CDC14A: variants seen among roughly 807,000 people sequenced by gnomAD.
CDC14A encodes the protein cell division cycle 14A.
CDC14A carries 53 observed loss-of-function variants against 74.4 expected under a neutral mutation model. The ratio of observed to expected loss-of-function variants is 0.71; its 90% CI spans 0.57 to 0.89. CDC14A has a LOEUF of 0.89. Ranked by LOEUF, CDC14A falls within the 40% of genes least tolerant of loss-of-function variation. CDC14A has a pLI of 0.00. For synonymous variants in CDC14A, 247 were observed against 258.4 expected, an observed-to-expected ratio of 0.96 and a Z score of 0.43; for missense variants, 646 against 713.7, an observed-to-expected ratio of 0.91 and a Z score of 1.08.
At chr1:100,356,936 A>G (rs1440542120) in intron 2 of CDC14A, among the ~76,000 whole-genome samples, 1 of 151,882 alleles carries the variant, frequency 6.6e-6, no homozygotes, top group Non-Finnish European at 1.5e-5. Context: ...TGGTGATGGA[A>G]AGAAGCGATC....
chr1:100,506,943 AG>A (rs1557838470), intron 15 of CDC14A, among the ~76,000 whole-genome samples: 1 of 152,252 alleles, frequency 6.6e-6, no homozygotes, highest in Non-Finnish European at 1.5e-5. Context: ...TAGGAGGCTA[AG>A]GCGAGAGGAT....
At chr1:100,350,140 G>A (rs1272090327), upstream of CDC14A, among the ~76,000 whole-genome samples, 2 of 152,108 alleles carry the variant, frequency 1.3e-5, no homozygotes, top group African/African-American at 4.8e-5. Context: ...TATTAGTAGA[G>A]TTGGGGGTTT....
chr1:100,408,164 A>G (rs1458262443), intron 4 of CDC14A, among the ~76,000 whole-genome samples: 1 of 152,106 alleles, frequency 6.6e-6, no homozygotes, highest in Non-Finnish European at 1.5e-5. Context: ...GAGAATATGC[A>G]GTATTTGGTT....
In CDC14A at chr1:100,353,770, T is replaced by C; in HGVS notation, c.58T>C (p.Tyr20His). 1 of 1,575,980 alleles carries C rather than the reference T, an allele frequency of 6.3e-7. No homozygotes were observed. Among genetic ancestry groups the C allele is most frequent in the Non-Finnish European group, 8.7e-7 (1 of 1,148,034 alleles). Residue 20 changes from tyrosine (Y) to histidine (H), a missense_variant, in exon 2 of 16, where the codon TAT (tyrosine) becomes CAT (histidine). Tyr to His is a moderately conservative substitution (Grantham distance 83). Transcript: ENST00000336454. ...GACEFMKDRL[Y>H]FATLRNRPKS... ...TTAAACTTGTCTTTCAGATCGGTTATATTTTGCTACTTTAAGGAATAGACC... is the reference window on the plus strand; with the variant it reads ...TTAAACTTGTCTTTCAGATCGGTTACATTTTGCTACTTTAAGGAATAGACC...
chr1:100,400,262 A>C (rs1659087151), intron 4 of CDC14A, among the ~76,000 whole-genome samples: 1 of 152,240 alleles, frequency 6.6e-6, no homozygotes, highest in African/African-American at 2.4e-5. Context: ...TTTGACTCAC[A>C]ATTCTGTAAA....
At chr1:100,474,945 T>G (rs1275951759) in intron 10 of CDC14A, among the ~76,000 whole-genome samples, 1 of 152,184 alleles carries the variant, frequency 6.6e-6, no homozygotes, top group Non-Finnish European at 1.5e-5. Flanking sequence ...TTTAGGTTTA[T>G]GTCTTGTCAA....
At chr1:100,457,470 T>A (rs1377897370) in intron 8 of CDC14A, among the ~76,000 whole-genome samples, 2 of 152,126 alleles carry the variant, frequency 1.3e-5, no homozygotes, top group African/African-American at 4.8e-5. Flanking sequence ...TTGCTTTTGT[T>A]TATTTAGAGA....
chr1:100,504,671 A>C, intron 15 of CDC14A: 1 of 611,988 alleles, frequency 1.6e-6, no homozygotes, highest in Non-Finnish European at 2.9e-6. Flanking sequence ...CCTGTTCAGA[A>C]ATGACCAGTG....
chr1:100,398,961 G>A (rs1658904066), intron 4 of CDC14A, among the ~76,000 whole-genome samples: 1 of 151,968 alleles, frequency 6.6e-6, no homozygotes, highest in African/African-American at 2.4e-5. Flanking sequence ...GTAGGGGAGT[G>A]AAGGGAGGCT....
In CDC14A at chr1:100,494,890, A is replaced by T. The variant is rs1647562385; in HGVS notation, c.1210A>T (p.Ser404Cys). The change falls in exon 12 of 16, where the codon AGT becomes TGT. Residue 404 changes from serine to cysteine, a missense_variant. Transcript: ENST00000336454. ...TQGDKLRALK[S>C]QRQPRTSPSC... ...GGGAGACAAACTACGTGCCTTAAAAAGTCAGAGACAGCCACGTACCTCACC... is the reference window on the plus strand; with the variant it reads ...GGGAGACAAACTACGTGCCTTAAAATGTCAGAGACAGCCACGTACCTCACC... 5.6e-6 allele frequency: 9 copies of T among 1,612,996 alleles called. No individual in the cohort carries two copies. The highest frequency in any genetic ancestry group is 7.6e-6 in the Non-Finnish European group (9 of 1,179,076).
chr1:100,511,971 G>A (rs894509426), intron 15 of CDC14A, among the ~76,000 whole-genome samples: 7 of 152,002 alleles, frequency 4.6e-5, no homozygotes, highest in East Asian at 3.9e-4. Context: ...CTTCCCTGTC[G>A]GGCTGTGTGC....
intron 11 of CDC14A, among the ~76,000 whole-genome samples, chr1:100,486,210 C>A (rs1331312857): frequency 6.6e-6 from 1 of 152,098 alleles, no homozygotes; most frequent in Non-Finnish European, 1.5e-5. Context: ...AACATATTTA[C>A]CTTGCAGGAA....
At chr1:100,429,253 T>C (rs371962521) in intron 5 of CDC14A, among the ~76,000 whole-genome samples, 22 of 74,036 alleles carry the variant, frequency 3.0e-4, no homozygotes, top group African/African-American at 1.4e-3. Flanking sequence ...AAATGACATA[T>C]ACAATTAAAC....
In CDC14A at chr1:100,449,230, C is replaced by T. The variant is rs559162377; in HGVS notation, c.520-6175C>T. Among the ~76,000 whole-genome samples the T allele has an allele frequency of 1.9e-3, 296 of 152,342 alleles. 1 individual carries two copies. Among genetic ancestry groups the T allele is most frequent in the African/African-American group, 6.6e-3 (273 of 41,568 alleles). ...GTTTGTGAAAAAGCATGGGTTCATT[C>T]TGGATGCCTGGGATTGAGTCTTTCT... On this transcript the variant is annotated intron_variant, in intron 7 of 15. Transcript: ENST00000336454.
chr1:100,495,023 A>G, intron 12 of CDC14A, 93 bp downstream of exon 12: 1 of 676,746 alleles, frequency 1.5e-6, no homozygotes, highest in South Asian at 1.9e-5. Flanking sequence ...TTCTGTTTTG[A>G]ATTTTGTTCT....
chr1:100,444,602 A>G (rs935472845), intron 7 of CDC14A, among the ~76,000 whole-genome samples: 1 of 152,048 alleles, frequency 6.6e-6, no homozygotes, highest in Non-Finnish European at 1.5e-5. Context: ...TGCTTGGCTG[A>G]GGTTGCTTTT....
upstream of CDC14A, among the ~76,000 whole-genome samples, chr1:100,348,110 C>T (rs984671921): frequency 2.0e-5 from 3 of 151,902 alleles, no homozygotes; most frequent in Non-Finnish European, 4.4e-5. Context: ...GGCAAAACCC[C>T]GTCTCTACTA....
chr1:100,415,082 T>A (rs1661357985), intron 4 of CDC14A, among the ~76,000 whole-genome samples: 1 of 152,166 alleles, frequency 6.6e-6, no homozygotes, highest in Non-Finnish European at 1.5e-5. Flanking sequence ...CTGTCAGTTC[T>A]GGAAGGATAT....
chr1:100,492,191 G>A (rs1670774435), intron 11 of CDC14A, among the ~76,000 whole-genome samples: 1 of 152,134 alleles, frequency 6.6e-6, no homozygotes, highest in Non-Finnish European at 1.5e-5. Flanking sequence ...AATTTAAAAT[G>A]TACTGTTATT....
Sources: allele counts gnomAD v4.1 joint callset (sites outside exome capture counted in the v4.1 genomes callset), GRCh38; gene constraint gnomAD v4.1.1; transcripts MANE v1.5; gene names NCBI Gene and HGNC (gene_info 2026-07-23, HGNC 2026-07-21).